Variants in SLC36A4 observed in about 807,000 individuals in gnomAD.
SLC36A4 encodes the protein neutral amino acid uniporter 4.
SLC36A4 carries 49 observed loss-of-function variants against 50.5 expected under a neutral mutation model. That is an observed-to-expected ratio of 0.97 (90% confidence interval 0.77 to 1.23). The LOEUF (loss-of-function observed/expected upper bound fraction) is 1.23, where lower values mean the gene tolerates loss of function less well. SLC36A4 is among the 50% of genes most tolerant of loss of function. The pLI, the probability that SLC36A4 is intolerant of heterozygous loss-of-function variation, is 0.00. For synonymous variants in SLC36A4, 207 were observed against 206.5 expected (o/e 1.00, Z -0.02); for missense variants, 611 against 608.4 (o/e 1.00, Z -0.05).
chr11:93,179,369 GA>G (rs948577488), intron 6 of SLC36A4, among the ~76,000 whole-genome samples: 3 of 152,242 alleles, frequency 2.0e-5, no homozygotes, highest in South Asian at 2.1e-4. Context: ...GTCTAGTGGT[GA>G]AAAATAACTT....
intron 10 of SLC36A4, among the ~76,000 whole-genome samples, chr11:93,152,964 T>C (rs796291588): frequency 3.9e-5 from 6 of 152,292 alleles, no homozygotes; most frequent in African/African-American, 1.4e-4. Flanking sequence ...TATGGGCTTA[T>C]TGACTTCATT....
At chr11:93,173,919 T>G (rs954470327) in intron 6 of SLC36A4, among the ~76,000 whole-genome samples, 30 of 141,792 alleles carry the variant, frequency 2.1e-4, no homozygotes, top group South Asian at 2.4e-4. Flanking sequence ...AGGATTGACT[T>G]GGCGATGCGG....
intron 9 of SLC36A4, among the ~76,000 whole-genome samples, chr11:93,156,592 G>C (rs1284788527): frequency 6.6e-6 from 1 of 151,768 alleles, no homozygotes; most frequent in Non-Finnish European, 1.5e-5. Context: ...GCTAATTTTT[G>C]TATTTTTAGT....
At chr11:93,168,467 G>C (rs1020200330) in intron 6 of SLC36A4, among the ~76,000 whole-genome samples, 3 of 151,926 alleles carry the variant, frequency 2.0e-5, no homozygotes, top group Non-Finnish European at 4.4e-5. Context: ...GTATTCTGAA[G>C]CTTTGTGACT....
intron 6 of SLC36A4, among the ~76,000 whole-genome samples, chr11:93,169,555 C>T (rs1452785634): frequency 6.6e-6 from 1 of 152,002 alleles, no homozygotes; most frequent in Non-Finnish European, 1.5e-5. Flanking sequence ...TATAATCTAC[C>T]ATACACAATG....
intron 1 of SLC36A4, among the ~76,000 whole-genome samples, chr11:93,192,690 A>T (rs1862264367): frequency 6.6e-6 from 1 of 152,206 alleles, no homozygotes; most frequent in Non-Finnish European, 1.5e-5. Flanking sequence ...TTTGAAATGC[A>T]GCATGTATTT....
intron 7 of SLC36A4, 30 bp from the exon 8 acceptor site, chr11:93,166,046 G>C (rs1375137107): frequency 6.6e-7 from 1 of 1,506,006 alleles, no homozygotes. Flanking sequence ...AAGAAGACCA[G>C]TTACATCTTT....
chr11:93,156,427 TC>T (rs1297765133), intron 9 of SLC36A4, among the ~76,000 whole-genome samples: 2 of 151,570 alleles, frequency 1.3e-5, no homozygotes, highest in African/African-American at 4.9e-5. Context: ...CTTTTTTTTT[TC>T]TTTTTTTTTG....
At chr11:93,183,956 C>G (rs893855175) in intron 3 of SLC36A4, among the ~76,000 whole-genome samples, 3 of 152,082 alleles carry the variant, frequency 2.0e-5, no homozygotes, top group Admixed American at 2.0e-4. Flanking sequence ...CCTCGGCCTC[C>G]CAGAGTGCTG....
chr11:93,148,478 G>A lies in SLC36A4; in HGVS notation c.*59C>T, dbSNP rs1434799251. ...ATGTATATAGCAATGTATTTTACTA[G>A]TTATCTTGATAATTTTCAGAAATGG... On this transcript the variant is annotated 3_prime_UTR_variant, in exon 11 of 11. Transcript: ENST00000326402. 1 of 1,423,562 alleles carries A rather than the reference G, an allele frequency of 7.0e-7. No individual in the cohort carries two copies. Among genetic ancestry groups the A allele is most frequent in the African/African-American group, 1.4e-5 (1 of 69,098 alleles). 88.2% of individuals were successfully genotyped at this position (1,423,562 alleles called of 1,614,324 possible). A position where few individuals can be genotyped will look rare whatever the true frequency, so the allele number is the denominator to read the frequency against.
intron 1 of SLC36A4, among the ~76,000 whole-genome samples, chr11:93,192,050 A>G (rs902742233): frequency 6.6e-6 from 1 of 152,220 alleles, no homozygotes; most frequent in African/African-American, 2.4e-5. Context: ...ACTCAAAAAA[A>G]AATCCTGCCT....
chr11:93,164,593 C>G (rs1860779965), intron 8 of SLC36A4, among the ~76,000 whole-genome samples: 1 of 152,014 alleles, frequency 6.6e-6, no homozygotes, highest in Non-Finnish European at 1.5e-5. Context: ...TTAATAGCAG[C>G]AAGAGGGCAG....
intron 7 of SLC36A4, 49 bp downstream of exon 7, chr11:93,167,895 T>A: frequency 2.3e-6 from 3 of 1,282,234 alleles, no homozygotes; most frequent in Non-Finnish European, 3.3e-6. Context: ...AACAAAATTT[T>A]ACTTACATAA....
chr11:93,172,276 A>C (rs1378548483), intron 6 of SLC36A4, among the ~76,000 whole-genome samples: 1 of 152,018 alleles, frequency 6.6e-6, no homozygotes, highest in African/African-American at 2.4e-5. Flanking sequence ...TCCATAAATT[A>C]TTGGGGTACA....
intron 6 of SLC36A4, 79 bp downstream of exon 6, chr11:93,180,718 G>T: frequency 1.1e-6 from 1 of 940,372 alleles, no homozygotes; most frequent in Non-Finnish European, 1.7e-6. Flanking sequence ...ATTCAACTGT[G>T]GCTTCCACAG....
In SLC36A4 at chr11:93,185,535, C is replaced by T. The variant is rs1416878793; in HGVS notation, c.179+156G>A. 5.0e-6 allele frequency: 3 copies of T among 602,844 alleles called. No homozygotes were observed. The African/African-American group carries it at 5.7e-5, about 11-fold the overall frequency. 37.3% of individuals were successfully genotyped at this position (602,844 alleles called of 1,614,324 possible). ...TATACACTGCTCTGTGATTTAAACG[C>T]ATTTCTTTCCCAAATAGACTATAAA... On this transcript the variant is annotated intron_variant, in intron 2 of 10. Transcript: ENST00000326402.
chr11:93,184,131 T>G (rs556714548), intron 3 of SLC36A4, among the ~76,000 whole-genome samples: 29 of 152,312 alleles, frequency 1.9e-4, no homozygotes, highest in African/African-American at 6.5e-4. Flanking sequence ...ATTCAATTCC[T>G]GAAAATCTAA....
chr11:93,151,876 A>G (rs1309456424), intron 10 of SLC36A4, among the ~76,000 whole-genome samples: 3 of 152,012 alleles, frequency 2.0e-5, no homozygotes, highest in Non-Finnish European at 4.4e-5. Flanking sequence ...CTCATAGTAC[A>G]GGTTTACTCT....
At chr11:93,165,073 T>G (rs1411054157) in intron 8 of SLC36A4, among the ~76,000 whole-genome samples, 1 of 152,136 alleles carries the variant, frequency 6.6e-6, no homozygotes, top group Non-Finnish European at 1.5e-5. Context: ...CTGTGAAAAT[T>G]TGTAAGAATT....
Sources: gnomAD v4.1 joint callset for allele counts (sites outside exome capture counted in the v4.1 genomes callset) on GRCh38, gnomAD v4.1.1 for gene constraint, MANE v1.5 for transcripts, NCBI Gene and HGNC (gene_info 2026-07-23, HGNC 2026-07-21) for gene names.